Variants in STS observed in about 807,000 individuals in gnomAD.
The protein encoded by STS is steryl-sulfatase.
In STS, 7 loss-of-function variants were observed where a neutral mutation model predicts 26.8. The ratio of observed to expected loss-of-function variants is 0.26; its 90% CI spans 0.15 to 0.49. The LOEUF (loss-of-function observed/expected upper bound fraction) is 0.49. Ranked by LOEUF, STS falls within the 20% of genes least tolerant of loss-of-function variation. The pLI, the probability that STS is intolerant of heterozygous loss-of-function variation, is 0.98. For missense variants in STS, 434 were observed against 465.6 expected (o/e 0.93, Z 0.63); for synonymous variants, 199 against 189.4 (o/e 1.05, Z -0.42).
chrX:7,219,784 C>T, intron 2 of STS: 1 of 954,030 alleles, frequency 1.0e-6, no homozygotes, highest in Non-Finnish European at 1.5e-6. Context: ...TGCATATTCT[C>T]CCAACATGTG....
chrX:7,293,711 T>A (rs1214790191), intron 7 of STS, among the ~76,000 whole-genome samples: 1 of 111,851 alleles, frequency 8.9e-6, no homozygotes, highest in African/African-American at 3.2e-5. Context: ...ATGAAGGATA[T>A]GTAGATATTG....
chrX:7,237,361 G>A (rs1464546965), intron 2 of STS, among the ~76,000 whole-genome samples: 1 of 111,086 alleles, frequency 9.0e-6, no homozygotes, highest in African/African-American at 3.3e-5. Flanking sequence ...TGTTAACCAG[G>A]CTGGTCTCGA....
intron 7 of STS, among the ~76,000 whole-genome samples, chrX:7,276,512 A>G (rs1194489529): frequency 8.9e-6 from 1 of 112,209 alleles, no homozygotes; most frequent in African/African-American, 3.2e-5. Context: ...GCATGTCTGC[A>G]GTTCCTAGTG....
chrX:7,229,741 C>T (rs1921975500), intron 2 of STS, among the ~76,000 whole-genome samples: 1 of 111,505 alleles, frequency 9.0e-6, no homozygotes, highest in Admixed American at 9.5e-5. Context: ...AAACTCCTTT[C>T]AGGGTCAGCT....
Position 7,259,466 on chromosome X carries a change from C to T in STS, c.500C>T (p.Pro167Leu). 9.9e-6 allele frequency: 12 copies of T among 1,211,448 alleles called. No individual in the cohort carries two copies. Among genetic ancestry groups the T allele is most frequent in the Non-Finnish European group, 1.3e-5 (12 of 895,360 alleles). The change falls in exon 6 of 11, where the codon CCC (proline) becomes CTC (leucine). Residue 167 changes from proline to leucine, a missense_variant. Physicochemically the swap from Pro to Leu is moderately conservative, Grantham distance 98. Transcript: ENST00000674429. ...ISLTNLRDCK[P>L]GEGSVFTTGF... is the part of the protein sequence containing the mutation. ...TTGACCAATCTGAGAGACTGCAAGC[C>T]CGGAGAGGGCAGTGTCTTCACCACG... is the stretch of plus-strand genomic sequence containing the variant.
At position 7,350,470 on chromosome X, in the gene STS, A is replaced by G; in HGVS notation, c.*209A>G. 2.1e-6 allele frequency: 1 copy of G among 481,562 alleles called. No individual in the cohort carries two copies. The highest frequency in any genetic ancestry group is 3.4e-5 in the South Asian group (1 of 29,773). The allele number at this position is 481,562 out of a possible 1,213,427, so 39.7% of individuals were successfully genotyped here. On this transcript the variant is annotated 3_prime_UTR_variant, in exon 11 of 11. Transcript: ENST00000674429. Reference sequence around the variant, plus strand: ...ATAAGGTCTGTAGTATACAGACAGGAAGATGGTAGGTTTATGCCTTCTGTG... The same window carrying G: ...ATAAGGTCTGTAGTATACAGACAGGGAGATGGTAGGTTTATGCCTTCTGTG...
At chrX:7,181,243 T>C (rs1316535048) in intron 1 of STS, among the ~76,000 whole-genome samples, 1 of 112,608 alleles carries the variant, frequency 8.9e-6, no homozygotes, top group African/African-American at 3.2e-5. Flanking sequence ...AACCTGTACA[T>C]GTATCCACTT....
chrX:7,303,548 C>T (rs1362239037), intron 7 of STS, among the ~76,000 whole-genome samples: 2 of 110,912 alleles, frequency 1.8e-5, no homozygotes, highest in African/African-American at 6.6e-5. Context: ...CTGCGTGGCA[C>T]GAGCAGAAGA....
intron 1 of STS, among the ~76,000 whole-genome samples, chrX:7,163,881 C>G (rs1023528198): frequency 1.9e-4 from 21 of 112,284 alleles, no homozygotes; most frequent in African/African-American, 6.8e-4. Context: ...TGCAGTGGCT[C>G]GATCTCAGCT....
At chrX:7,168,842 G>A (rs1601625849) in intron 1 of STS, among the ~76,000 whole-genome samples, 2 of 111,550 alleles carry the variant, frequency 1.8e-5, no homozygotes, top group African/African-American at 6.5e-5. Context: ...TGGGCAGTGA[G>A]GGTCCTCCTT....
intron 8 of STS, among the ~76,000 whole-genome samples, 159 bp from the exon 9 acceptor site, chrX:7,325,180 T>C (rs181410057): frequency 1.8e-5 from 2 of 111,928 alleles, no homozygotes; most frequent in East Asian, 5.6e-4. Flanking sequence ...CTTTTTTCAA[T>C]ACAACATATA....
intron 2 of STS, among the ~76,000 whole-genome samples, chrX:7,227,760 A>G (rs1329588661): frequency 1.8e-5 from 2 of 111,890 alleles, no homozygotes; most frequent in Admixed American, 1.9e-4. Flanking sequence ...TTAAAATTTT[A>G]AGTGTGCAAT....
chrX:7,345,739 G>C (rs1928495034), intron 10 of STS, among the ~76,000 whole-genome samples: 1 of 111,709 alleles, frequency 9.0e-6, no homozygotes, highest in Non-Finnish European at 1.9e-5. Context: ...CACTCGGTCA[G>C]TGCCGAAACA....
intron 1 of STS, among the ~76,000 whole-genome samples, chrX:7,185,833 G>A (rs1337947107): frequency 8.9e-6 from 1 of 112,465 alleles, no homozygotes; most frequent in Non-Finnish European, 1.9e-5. Context: ...GGTAAATTGA[G>A]TTAACATTTC....
At position 7,205,000 on chromosome X, in the gene STS, C is replaced by G. The variant is rs1336013109; in HGVS notation, c.-5+13992C>G. Among the ~76,000 whole-genome samples, 5 of 111,713 alleles carry G rather than the reference C, an allele frequency of 4.5e-5. No homozygotes were observed. In the Admixed American group the frequency reaches 4.8e-4, roughly 11 times the overall value. On this transcript the variant is annotated intron_variant, in intron 2 of 10. Transcript: ENST00000674429. ...TTGTTTTGCTGACCTGCTTTGTGGC[C>G]CCACATGGCCCTAGGCCAGGTGCTT...
chrX:7,208,704 C>T (rs1390457907), intron 2 of STS, among the ~76,000 whole-genome samples: 2 of 111,374 alleles, frequency 1.8e-5, no homozygotes, highest in Non-Finnish European at 3.8e-5. Context: ...AATTTCCAAA[C>T]ACTGCTATAA....
rs1928669611 is a variant in STS, at chrX:7,349,315, C to CTTTTTTTTTTTTTTTTTTTTTTTT, written c.1364-573_1364-572insTTTTTTTTTTTTTTTTTTTTTTTT. Among the ~76,000 whole-genome samples, 2 of 20,285 alleles carry CTTTTTTTTTTTTTTTTTTTTTTTT rather than the reference C, an allele frequency of 9.9e-5. 1 individual carries two copies. The highest frequency in any genetic ancestry group is 3.5e-4 in the African/African-American group (2 of 5,711). The allele number at this position is 20,285 out of a possible 115,157, so 17.6% of individuals were successfully genotyped here. On this transcript the variant is annotated intron_variant, in intron 10 of 10. Coordinates refer to ENST00000674429, the MANE Select transcript of STS (RefSeq NM_001320752.2). ...CGCTGCACTCGGCCCTCATTTAATT[C>CTTTTTTTTTTTTTTTTTTTTTTTT]CTTTTTTTTTTTTTTTTTTTTTTTT... is the stretch of plus-strand genomic sequence containing the variant.
At chrX:7,254,577 CTT>C (rs34965003) in intron 3 of STS, among the ~76,000 whole-genome samples, 1 of 73,053 alleles carries the variant, frequency 1.4e-5, no homozygotes, top group African/African-American at 5.3e-5. Flanking sequence ...TTTTCTTCTT[CTT>C]TTTTTTTTTT....
intron 2 of STS, among the ~76,000 whole-genome samples, chrX:7,205,371 T>C (rs1429024294): frequency 1.8e-5 from 2 of 111,787 alleles, no homozygotes; most frequent in Non-Finnish European, 3.8e-5. Flanking sequence ...TTGGGGATAT[T>C]ACATGTGAGA....
Sources: gnomAD v4.1 joint callset for allele counts (sites outside exome capture counted in the v4.1 genomes callset) on GRCh38, gnomAD v4.1.1 for gene constraint, MANE v1.5 for transcripts, NCBI Gene and HGNC (gene_info 2026-07-23, HGNC 2026-07-21) for gene names.